The following RGS12 variants were observed in gnomAD, a reference collection of about 807,000 sequenced individuals.
RGS12 encodes the protein regulator of G-protein signaling 12.
A neutral mutation model predicts 120.1 loss-of-function variants in RGS12; 66 were observed. The ratio of observed to expected loss-of-function variants is 0.55; its 90% confidence interval spans 0.45 to 0.67. RGS12 has a LOEUF of 0.67. RGS12 is among the 30% of genes least tolerant of loss of function. The pLI is 0.00. For missense variants in RGS12, 1,859 were observed against 1,957.7 expected (o/e 0.95, Z 0.95); for synonymous variants, 827 against 804.7 (o/e 1.03, Z -0.47).
At chr4:3,309,992 TCCGC>T (rs1305279902) in intron 1 of RGS12, among the ~76,000 whole-genome samples, 1 of 128,152 alleles carries the variant, frequency 7.8e-6, no homozygotes. Context: ...ATGGCAGGTG[TCCGC>T]TGAGGGGAAC....
intron 1 of RGS12, among the ~76,000 whole-genome samples, chr4:3,296,915 G>T (rs909895729): frequency 2.0e-4 from 30 of 152,342 alleles, no homozygotes; most frequent in African/African-American, 6.7e-4. Context: ...GTCGTTACCA[G>T]TTCCAAACTG....
intron 4 of RGS12, among the ~76,000 whole-genome samples, chr4:3,409,286 A>T (rs1037074344): frequency 1.3e-5 from 2 of 152,252 alleles, no homozygotes; most frequent in Non-Finnish European, 2.9e-5. Context: ...CTGGGCGGGC[A>T]CACCAGGCAC....
rs1206099131 is a variant in RGS12, at chr4:3,365,557, G to A, written c.1999-20859G>A. ...CCCTGAGTCCGACCTAAGCCTTAGT[G>A]TGAGTCGGACACGGCCTTCTTGGCT... On this transcript the variant is annotated intron_variant, in intron 3 of 17. Coordinates refer to ENST00000336727, the MANE Select transcript of RGS12 (RefSeq NM_001394154.1). This position sits in a 1 kb window ranked among gnomAD's most constrained non-coding sequence, Gnocchi z 4.0. Among the ~76,000 whole-genome samples the A allele has an allele frequency of 1.3e-5, 2 of 152,198 alleles. No individual in the cohort carries two copies. The highest frequency in any genetic ancestry group is 2.9e-5 in the Non-Finnish European group (2 of 68,030).
rs1264058347 is a variant in RGS12 at position 3,317,561 on chromosome 4, G to T, written c.1391G>T (p.Gly464Val). 5 of 1,607,334 alleles carry T rather than the reference G, an allele frequency of 3.1e-6. No individual in the cohort carries two copies. In the East Asian group the frequency reaches 6.7e-5, roughly 22 times the overall value. The change falls in exon 2 of 18, where the codon GGT (glycine) becomes GTT (valine). Residue 464 changes from glycine to valine, a missense_variant. Coordinates refer to ENST00000336727, the MANE Select transcript of RGS12 (RefSeq NM_001394154.1). ...GCGTGGGACGGTGTGGGTGGGAGGGGTGCCCAGCCCTGGGGTGCTCCCTGG... is the reference window on the plus strand; with the variant it reads ...GCGTGGGACGGTGTGGGTGGGAGGGTTGCCCAGCCCTGGGGTGCTCCCTGG... ...GSAWDGVGGR[G>V]AQPWGAPWTG...
At chr4:3,375,801 G>T (rs1022375172) in intron 3 of RGS12, among the ~76,000 whole-genome samples, 1 of 152,226 alleles carries the variant, frequency 6.6e-6, no homozygotes, top group African/African-American at 2.4e-5. Flanking sequence ...CTGGTGGCCA[G>T]CTGTGTTACG....
At chr4:3,406,325 C>A (rs1214138208) in intron 4 of RGS12, among the ~76,000 whole-genome samples, 2 of 152,214 alleles carry the variant, frequency 1.3e-5, no homozygotes. Context: ...GACGGGTGGG[C>A]CGAATGAGGC....
intron 3 of RGS12, among the ~76,000 whole-genome samples, chr4:3,384,231 T>G (rs1718574496): frequency 6.6e-6 from 1 of 152,090 alleles, no homozygotes; most frequent in East Asian, 1.9e-4. Flanking sequence ...CTCGGCTCAT[T>G]GCAACCTCTA....
At chr4:3,309,394 C>T (rs1259228526) in intron 1 of RGS12, among the ~76,000 whole-genome samples, 13 of 128,872 alleles carry the variant, frequency 1.0e-4, no homozygotes, top group Admixed American at 1.5e-4. Flanking sequence ...GGAGCTGGGA[C>T]CCTGGAATGG....
In RGS12 at chr4:3,372,346, T is replaced by C. The variant is rs1578853954; in HGVS notation, c.1999-14070T>C. ...CCTGTGGCTGTCACAGGGTCCTGGG[T>C]GGGACTTTCCGGGGCAGTTCCACCT... On this transcript the variant is annotated intron_variant, in intron 3 of 17. Transcript: ENST00000336727. The surrounding 1 kb of genome is among the most constrained non-coding windows in gnomAD (Gnocchi z 4.3). 6.6e-6 allele frequency among the ~76,000 whole-genome samples: 1 copy of C among 152,152 alleles called. No homozygotes were observed. The highest frequency in any genetic ancestry group is 2.4e-5 in the African/African-American group (1 of 41,440).
intron 10 of RGS12, among the ~76,000 whole-genome samples, 172 bp downstream of exon 10, chr4:3,420,890 C>T (rs1471028408): frequency 1.3e-5 from 2 of 152,254 alleles, no homozygotes; most frequent in African/African-American, 4.8e-5. Context: ...TGCAGGGTGG[C>T]CCAGTGCCCC....
chr4:3,308,073 T>TGC (rs894021416), intron 1 of RGS12, among the ~76,000 whole-genome samples: 23 of 152,310 alleles, frequency 1.5e-4, no homozygotes, highest in African/African-American at 5.3e-4. Context: ...CCCAGGACCA[T>TGC]GCGGTCAGGT....
intron 3 of RGS12, among the ~76,000 whole-genome samples, chr4:3,348,833 T>C (rs116754519): frequency 1.3e-5 from 2 of 152,160 alleles, no homozygotes; most frequent in South Asian, 2.1e-4. Context: ...GGCAGTGATA[T>C]GCGGCCAGCA....
At chr4:3,430,099 G>T (rs946116965) in intron 16 of RGS12, among the ~76,000 whole-genome samples, 1 of 152,234 alleles carries the variant, frequency 6.6e-6, no homozygotes, top group Non-Finnish European at 1.5e-5. Flanking sequence ...TTCCTACTCA[G>T]ACGGCATCAG....
intron 9 of RGS12, 84 bp from the exon 10 acceptor site, chr4:3,420,558 G>A: frequency 7.1e-7 from 1 of 1,410,110 alleles, no homozygotes; most frequent in Non-Finnish European, 1.0e-6. Flanking sequence ...TGTCTGCTCA[G>A]CCTAAAGGGG....
At chr4:3,351,052 G>A (rs899645371) in intron 3 of RGS12, among the ~76,000 whole-genome samples, 1 of 152,160 alleles carries the variant, frequency 6.6e-6, no homozygotes, top group Admixed American at 6.5e-5. Flanking sequence ...ACCCTGATAA[G>A]TAATTAATGA....
intron 3 of RGS12, among the ~76,000 whole-genome samples, chr4:3,362,961 G>C (rs1437516352): frequency 1.2e-4 from 18 of 150,484 alleles, no homozygotes; most frequent in Admixed American, 1.1e-3. Context: ...GTGCCAGTGT[G>C]TGAAGGCATG....
At chr4:3,302,294 G>C (rs1460014048) in intron 1 of RGS12, among the ~76,000 whole-genome samples, 1 of 150,112 alleles carries the variant, frequency 6.7e-6, no homozygotes, top group Non-Finnish European at 1.5e-5. Context: ...CCCAGAGTGA[G>C]CTCACAGGGC....
At chr4:3,423,037 C>A (rs925055995) in intron 12 of RGS12, 59 bp downstream of exon 12, 147 of 1,393,120 alleles carry the variant, frequency 1.1e-4, no homozygotes, top group Non-Finnish European at 1.4e-4. Context: ...CGTGTGCCCA[C>A]CACCTGCTGG....
chr4:3,399,487 A>G (rs1424318310), intron 4 of RGS12, among the ~76,000 whole-genome samples: 2 of 152,192 alleles, frequency 1.3e-5, no homozygotes, highest in East Asian at 1.9e-4. Context: ...GAGGACAAAG[A>G]TAACATCAAG....
Sources: allele counts gnomAD v4.1 joint callset (sites outside exome capture counted in the v4.1 genomes callset), GRCh38; gene constraint gnomAD v4.1.1; non-coding constraint Gnocchi (gnomAD v3.1); transcripts MANE v1.5; gene names NCBI Gene and HGNC (gene_info 2026-07-23, HGNC 2026-07-21).